The following C14orf180 variants were observed in gnomAD, a reference collection of about 807,000 sequenced individuals.
C14orf180 encodes nutritionally-regulated adipose and cardiac enriched protein homolog.
A neutral mutation model predicts 13.9 loss-of-function variants in C14orf180; 13 were observed. The observed-to-expected ratio is 0.94, with a 90% CI of 0.61 to 1.49. C14orf180 has a LOEUF of 1.49. C14orf180 is among the 40% of genes most tolerant of loss of function. The pLI is 0.00. For synonymous variants in C14orf180, 113 were observed against 106.3 expected (o/e 1.06, Z -0.39); for missense variants, 238 against 232.0 (o/e 1.03, Z -0.17).
rs1410121711 is a variant in C14orf180 at position 104,584,126 on chromosome 14, G to A, written c.-16-2289G>A. Reference sequence around the variant, plus strand: ...TAGCGAGAGCTGCTGGCAGGAGCTGGGGGAGACTGCGTCCAGCCCTGCATC... The same window carrying A: ...TAGCGAGAGCTGCTGGCAGGAGCTGAGGGAGACTGCGTCCAGCCCTGCATC... On this transcript the variant is annotated intron_variant, in intron 1 of 4. Transcript: ENST00000557649. Among the ~76,000 whole-genome samples the A allele has an allele frequency of 1.3e-5, 2 of 152,214 alleles. 1 individual carries two copies.
At chr14:104,586,296 G>A (rs762825302) in intron 1 of C14orf180, 119 bp from the exon 2 acceptor site, 4 of 601,230 alleles carry the variant, frequency 6.7e-6, no homozygotes, top group South Asian at 2.6e-5. Context: ...CAGCGTGGCC[G>A]GTCGCAAGCC....
At position 104,589,161 on chromosome 14, in the gene C14orf180, G is replaced by A. The variant is rs974150401; in HGVS notation, c.*378G>A. On this transcript the variant is annotated 3_prime_UTR_variant, in exon 5 of 5. Coordinates refer to ENST00000557649, the MANE Select transcript of C14orf180 (RefSeq NM_001008404.3). This position sits in a 1 kb window ranked among gnomAD's most constrained non-coding sequence, Gnocchi z 4.9. ...CGGCCATCACCGTGTGCACCCTCTT[G>A]AGGAGGGGGACACACTGCCCGTGTT... 7.3e-6 allele frequency: 3 copies of A among 410,824 alleles called. No homozygotes were observed. The highest frequency in any genetic ancestry group is 1.3e-5 in the Non-Finnish European group (3 of 234,354). 25.4% of individuals were successfully genotyped at this position (410,824 alleles called of 1,614,324 possible).
At chr14:104,585,707 A>G (rs11845247) in intron 1 of C14orf180, among the ~76,000 whole-genome samples, 56 of 121,708 alleles carry the variant, frequency 4.6e-4, no homozygotes, top group African/African-American at 3.3e-3. Flanking sequence ...AGAGGCAGGG[A>G]GACAGAGATG....
intron 1 of C14orf180, among the ~76,000 whole-genome samples, chr14:104,581,952 C>T (rs576362469): frequency 2.0e-5 from 3 of 151,348 alleles, no homozygotes; most frequent in African/African-American, 2.4e-5. Context: ...CGCTCAGAGC[C>T]GAGGAAGGGC....
At chr14:104,588,069 T>C (rs1406373875) in intron 3 of C14orf180, among the ~76,000 whole-genome samples, 191 bp downstream of exon 3, 2 of 152,170 alleles carry the variant, frequency 1.3e-5, no homozygotes, top group East Asian at 3.9e-4. Context: ...TCCCGGTCCA[T>C]GAAACAGCAA....
At chr14:104,583,268 G>T (rs1398880614) in intron 1 of C14orf180, among the ~76,000 whole-genome samples, 1 of 152,264 alleles carries the variant, frequency 6.6e-6, no homozygotes, top group African/African-American at 2.4e-5. Flanking sequence ...CCAGGGGAAG[G>T]TGCATCTCTG....
rs1294881202 is a variant in C14orf180 at position 104,586,477 on chromosome 14, CACGACGTCAG to C, written c.50_59del (p.Arg17ProfsTer29). ...GTGAGCCCTGACTCCCGGCCAGAGA[CACGACGTCAG>C]ACCAGAAAGAATGAGGAGGCCGCGT... On this transcript the variant is annotated frameshift_variant, in exon 2 of 5. Transcript: ENST00000557649. LOFTEE classifies it high-confidence loss of function. 1.3e-6 allele frequency: 2 copies of C among 1,550,736 alleles called. No homozygotes were observed. Among genetic ancestry groups the C allele is most frequent in the African/African-American group, 1.4e-5 (1 of 73,260 alleles).
chr14:104,588,220 C>A, intron 3 of C14orf180, 54 bp from the exon 4 acceptor site: 1 of 1,609,388 alleles, frequency 6.2e-7, no homozygotes, highest in South Asian at 1.1e-5. Flanking sequence ...AGGGCGGGGG[C>A]GCCCGATGGA....
In C14orf180 at chr14:104,588,792, ACGGG is replaced by A. The variant is rs1379806982; in HGVS notation, c.*11_*14del. On this transcript the variant is annotated 3_prime_UTR_variant, in exon 5 of 5. Transcript: ENST00000557649. ...GCCTCCTGCGGCTCTGACGGGCAGG[ACGGG>A]CAGGACGGGCAGGGCTTCCAGGAGA... 1.2e-5 allele frequency: 19 copies of A among 1,526,010 alleles called. No individual in the cohort carries two copies. Among genetic ancestry groups the A allele is most frequent in the African/African-American group, 1.2e-4 (9 of 72,638 alleles). 94.5% of individuals were successfully genotyped at this position (1,526,010 alleles called of 1,614,324 possible).
intron 1 of C14orf180, among the ~76,000 whole-genome samples, chr14:104,583,459 C>T (rs529380944): frequency 6.6e-6 from 1 of 152,326 alleles, no homozygotes; most frequent in South Asian, 2.1e-4. Context: ...CACTGACTCC[C>T]ACCCTCACGC....
At chr14:104,587,699 A>G (rs746422041) in intron 2 of C14orf180, 50 bp from the exon 3 acceptor site, 7 of 1,601,896 alleles carry the variant, frequency 4.4e-6, no homozygotes, top group Middle Eastern at 1.7e-4. Flanking sequence ...CCTGGGTACC[A>G]GCGGCCTCCC....
chr14:104,580,634 C>G (rs1313440526), intron 1 of C14orf180, among the ~76,000 whole-genome samples: 1 of 152,224 alleles, frequency 6.6e-6, no homozygotes, highest in East Asian at 1.9e-4. Context: ...GCCTAGTTCT[C>G]AGTGTTTGGG....
chr14:104,580,278 C>G (rs565306387), intron 1 of C14orf180, among the ~76,000 whole-genome samples: 6 of 152,328 alleles, frequency 3.9e-5, no homozygotes, highest in African/African-American at 1.4e-4. Flanking sequence ...ACCCTTCCCC[C>G]TTCTCCTGGG....
Position 104,585,647 on chromosome 14 carries a change from A to G in C14orf180, c.-16-768A>G, listed in dbSNP as rs1232022740. On this transcript the variant is annotated intron_variant, in intron 1 of 4. Coordinates refer to ENST00000557649, the MANE Select transcript of C14orf180 (RefSeq NM_001008404.3). ...TAGAGAGATAGAGAGAGAATCAGAG[A>G]GAGGAAGGGGGACAGAGACAGAAAC... 1.3e-5 allele frequency among the ~76,000 whole-genome samples: 2 copies of G among 152,092 alleles called. 1 individual carries two copies. The highest frequency in any genetic ancestry group is 4.8e-5 in the African/African-American group (2 of 41,392).
chr14:104,588,977 G>C lies in C14orf180; in HGVS notation c.*194G>C. 5 of 1,201,682 alleles carry C rather than the reference G, an allele frequency of 4.2e-6. No individual in the cohort carries two copies. Among genetic ancestry groups the C allele is most frequent in the Non-Finnish European group, 4.5e-6 (4 of 889,004 alleles). 74.4% of individuals were successfully genotyped at this position (1,201,682 alleles called of 1,614,324 possible). ...CATGGGGGGCACAGCAGGCGGCCCC[G>C]CCACACTAGTCAGCACAGCCCTCCT... On this transcript the variant is annotated 3_prime_UTR_variant, in exon 5 of 5. Coordinates refer to ENST00000557649, the MANE Select transcript of C14orf180 (RefSeq NM_001008404.3).
At position 104,589,113 on chromosome 14, in the gene C14orf180, C is replaced by A; in HGVS notation, c.*330C>A. 2.0e-6 allele frequency: 1 copy of A among 493,604 alleles called. No individual in the cohort carries two copies. The highest frequency in any genetic ancestry group is 3.5e-6 in the Non-Finnish European group (1 of 285,802). 30.6% of individuals were successfully genotyped at this position (493,604 alleles called of 1,614,324 possible). A position where few individuals can be genotyped will look rare whatever the true frequency, so the allele number is the denominator to read the frequency against. On this transcript the variant is annotated 3_prime_UTR_variant, in exon 5 of 5. Transcript: ENST00000557649. This position sits in a 1 kb window ranked among gnomAD's most constrained non-coding sequence, Gnocchi z 4.9. Reference sequence around the variant, plus strand: ...CCCCTCCCTCGTCCCAGCAGGAACTCCTGCTGCTGCTAGGGCCTGGCCCGG... The same window carrying A: ...CCCCTCCCTCGTCCCAGCAGGAACTACTGCTGCTGCTAGGGCCTGGCCCGG...
chr14:104,580,652 G>A (rs1014929479), intron 1 of C14orf180, among the ~76,000 whole-genome samples: 10 of 152,210 alleles, frequency 6.6e-5, no homozygotes, highest in African/African-American at 2.4e-4. Flanking sequence ...GGGAATCCCT[G>A]AGAACTGGCT....
At chr14:104,588,183 T>A (rs1886699875) in intron 3 of C14orf180, 91 bp from the exon 4 acceptor site, 4 of 1,489,792 alleles carry the variant, frequency 2.7e-6, no homozygotes. Context: ...AGTCTCAGGG[T>A]CCTTCGGGGG....
intron 1 of C14orf180, among the ~76,000 whole-genome samples, chr14:104,583,758 C>T (rs1291496180): frequency 6.6e-6 from 1 of 152,156 alleles, no homozygotes; most frequent in Non-Finnish European, 1.5e-5. Flanking sequence ...CCTACGCCTG[C>T]ACATTCACAT....
Sources: allele counts gnomAD v4.1 joint callset (sites outside exome capture counted in the v4.1 genomes callset), GRCh38; gene constraint gnomAD v4.1.1; non-coding constraint Gnocchi (gnomAD v3.1); transcripts MANE v1.5; gene names NCBI Gene and HGNC (gene_info 2026-07-23, HGNC 2026-07-21).